SLC29A1: variants seen among roughly 807,000 people sequenced by gnomAD.
SLC29A1 encodes equilibrative nucleoside transporter 1.
A neutral mutation model predicts 48.3 loss-of-function variants in SLC29A1; 22 were observed. The ratio of observed to expected loss-of-function variants is 0.46; its 90% CI spans 0.33 to 0.65. The LOEUF is 0.65. SLC29A1 is among the 30% of genes least tolerant of loss of function. SLC29A1 has a pLI of 0.03. For synonymous variants in SLC29A1, 228 were observed against 231.0 expected (o/e 0.99, Z 0.12); for missense variants, 491 against 575.3 (o/e 0.85, Z 1.50).
rs1019146816 is a variant in SLC29A1 at position 44,231,507 on chromosome 6, T to C, written c.864+46T>C. 3.2e-6 allele frequency: 4 copies of C among 1,264,044 alleles called. No individual in the cohort carries two copies. The East Asian group carries it at 9.8e-5, about 31-fold the overall frequency. 78.3% of individuals were successfully genotyped at this position (1,264,044 alleles called of 1,614,324 possible). On this transcript the variant is annotated intron_variant, in intron 9 of 12. Transcript: ENST00000371755. ...TATCTTCTACCCCTTGTCCTCTTTCTCTCCTCCTTTTGCTCCCTCCCCCTG... is the reference window on the plus strand; with the variant it reads ...TATCTTCTACCCCTTGTCCTCTTTCCCTCCTCCTTTTGCTCCCTCCCCCTG...
Position 44,230,390 on chromosome 6 carries a change from CCTT to C in SLC29A1, c.501_503del (p.Leu168del). On this transcript the variant is annotated inframe_deletion, in exon 6 of 13. Coordinates refer to ENST00000371755, the MANE Select transcript of SLC29A1 (RefSeq NM_001372327.1). The stretch of plus-strand genomic sequence containing the variant: ...AGGGCAGCCTGTTTGGTCTGGCTGG[CCTT>C]CTGCCTGCCAGCTACACGGCCCCCA... The C allele has an allele frequency of 6.2e-7, 1 of 1,614,068 alleles. No homozygotes were observed. Among genetic ancestry groups the C allele is most frequent in the Non-Finnish European group, 8.5e-7 (1 of 1,179,938 alleles).
At position 44,228,469 on chromosome 6, in the gene SLC29A1, C is replaced by T. The variant is rs538104768; in HGVS notation, c.30-921C>T. Among the ~76,000 whole-genome samples the T allele has an allele frequency of 4.1e-4, 63 of 152,352 alleles. No homozygotes were observed. In the South Asian group the frequency reaches 6.4e-3, roughly 16 times the overall value. On this transcript the variant is annotated intron_variant, in intron 2 of 12. Coordinates refer to ENST00000371755, the MANE Select transcript of SLC29A1 (RefSeq NM_001372327.1). ...ACCTGCTCACGTGGTGTGCTCACCA[C>T]GCCATCCCTGTATGAGGCCTGCCAG...
At chr6:44,221,072 T>G (rs1202221813), upstream of SLC29A1, among the ~76,000 whole-genome samples, 1 of 151,950 alleles carries the variant, frequency 6.6e-6, no homozygotes, top group Admixed American at 6.6e-5. The surrounding 1 kb of genome is among the most constrained non-coding windows in gnomAD (Gnocchi z 4.2). Flanking sequence ...TTTGTAGAGA[T>G]GGGGTCTCAC....
In SLC29A1 at chr6:44,233,642, C is replaced by A; in HGVS notation, c.*114C>A. 2.5e-6 allele frequency: 2 copies of A among 805,428 alleles called. No individual in the cohort carries two copies. Among genetic ancestry groups the A allele is most frequent in the South Asian group, 1.5e-5 (1 of 64,874 alleles). The allele number at this position is 805,428 out of a possible 1,614,324, so 49.9% of individuals were successfully genotyped here. ...GGTTTTTTCTTCTAACTGACTTCTG[C>A]TTTCCACGGCGTGTGCTGGGCCCGG... is the stretch of plus-strand genomic sequence containing the variant. On this transcript the variant is annotated 3_prime_UTR_variant, in exon 13 of 13. Transcript: ENST00000371755.
At position 44,230,353 on chromosome 6, in the gene SLC29A1, G is replaced by A. The variant is rs566275501; in HGVS notation, c.461G>A (p.Gly154Asp). ...GCCCGCCCTGTTTCCCCAGCATTTG[G>A]TGCCATCCTGCAGGGCAGCCTGTTT... Reference protein sequence around the residue: ...MIKIVLINSFGAILQGSLFGL... With the variant: ...MIKIVLINSFDAILQGSLFGL... The change falls in exon 6 of 13, where the codon GGT becomes GAT. Residue 154 changes from glycine (G) to aspartate (D), a missense_variant. Gly to Asp is a moderately conservative substitution (Grantham distance 94). Transcript: ENST00000371755. The A allele has an allele frequency of 8.1e-6, 13 of 1,611,344 alleles. No homozygotes were observed. The highest frequency in any genetic ancestry group is 2.2e-5 in the East Asian group (1 of 44,796).
chr6:44,223,950 G>C lies in SLC29A1; in HGVS notation c.-52+309G>C, dbSNP rs1418598573. 3.7e-5 allele frequency: 37 copies of C among 988,806 alleles called. No individual in the cohort carries two copies. Among genetic ancestry groups the C allele is most frequent in the Non-Finnish European group, 4.4e-5 (37 of 832,332 alleles). 61.3% of individuals were successfully genotyped at this position (988,806 alleles called of 1,614,324 possible). A position where few individuals can be genotyped will look rare whatever the true frequency, so the allele number is the denominator to read the frequency against. The stretch of plus-strand genomic sequence containing the variant: ...GGCGAGTGGACGGGTGATCCCCATC[G>C]ATCTGGTCGGTATCAGGGAGGGGCC... On this transcript the variant is annotated intron_variant, in intron 1 of 12. Coordinates refer to ENST00000371755, the MANE Select transcript of SLC29A1 (RefSeq NM_001372327.1). This position sits in a 1 kb window ranked among gnomAD's most constrained non-coding sequence, Gnocchi z 5.0.
chr6:44,229,414 C>G lies in SLC29A1; in HGVS notation c.54C>G (p.Phe18Leu). 3 of 1,614,130 alleles carry G rather than the reference C, an allele frequency of 1.9e-6. No homozygotes were observed. Among genetic ancestry groups the G allele is most frequent in the Admixed American group, 1.7e-5 (1 of 60,014 alleles). Residue 18 changes from phenylalanine to leucine, a missense_variant, in exon 3 of 13, where the codon TTC (phenylalanine) becomes TTG (leucine). Transcript: ENST00000371755. The surrounding 1 kb of genome is among the most constrained non-coding windows in gnomAD (Gnocchi z 5.1). ...QDRYKAVWLI[F>L]FMLGLGTLLP... ...GATACAAAGCTGTCTGGCTTATCTT[C>G]TTCATGCTGGGTCTGGGAACGCTGC...
Position 44,232,389 on chromosome 6 carries a change from T to C in SLC29A1, c.1020T>C (p.Phe340=). 6.2e-7 allele frequency: 1 copy of C among 1,613,944 alleles called. No individual in the cohort carries two copies. Among genetic ancestry groups the C allele is most frequent in the Non-Finnish European group, 8.5e-7 (1 of 1,179,796 alleles). ...PVSCFLTFNI[F]DWLGRSLTAV... ...CCTGTTTCTTGACTTTCAATATCTT[T>C]GACTGGTTGGGCCGGAGCCTCACAG... The change falls in exon 11 of 13, where the codon TTT becomes TTC. Residue 340 remains phenylalanine, a synonymous_variant. Coordinates refer to ENST00000371755, the MANE Select transcript of SLC29A1 (RefSeq NM_001372327.1). This position sits in a 1 kb window ranked among gnomAD's most constrained non-coding sequence, Gnocchi z 4.7.
chr6:44,230,304 ACC>A (rs756180096), intron 5 of SLC29A1, 41 bp from the exon 6 acceptor site: 2 of 1,590,978 alleles, frequency 1.3e-6, no homozygotes, highest in South Asian at 2.2e-5. Context: ...ACCCCCAACC[ACC>A]AGCCCTAGCT....
Position 44,233,558 on chromosome 6 carries a change from C to T in SLC29A1, c.*30C>T. 6.5e-7 allele frequency: 1 copy of T among 1,548,638 alleles called. No homozygotes were observed. Among genetic ancestry groups the T allele is most frequent in the South Asian group, 1.1e-5 (1 of 89,786 alleles). On this transcript the variant is annotated 3_prime_UTR_variant, in exon 13 of 13. Transcript: ENST00000371755. Reference sequence around the variant, plus strand: ...GGATGGACAGAAGGACTGCCTGCCTCCCTCCCTGTCTGCCTCCTGCCCCTT... The same window carrying T: ...GGATGGACAGAAGGACTGCCTGCCTTCCTCCCTGTCTGCCTCCTGCCCCTT...
chr6:44,220,756 T>G (rs1196435217), upstream of SLC29A1, among the ~76,000 whole-genome samples: 4 of 149,622 alleles, frequency 2.7e-5, no homozygotes, highest in Non-Finnish European at 4.4e-5. Context: ...ACCCAGGAGG[T>G]GGAGGTTGCA....
intron 1 of SLC29A1, chr6:44,226,035 C>A: frequency 4.4e-6 from 4 of 898,990 alleles, no homozygotes; most frequent in Middle Eastern, 5.6e-4. Flanking sequence ...CCTGTGCCAC[C>A]TTTTTCATTC....
In SLC29A1 at chr6:44,223,984, G is replaced by C. The variant is rs2128338818; in HGVS notation, c.-52+343G>C. On this transcript the variant is annotated intron_variant, in intron 1 of 12. Coordinates refer to ENST00000371755, the MANE Select transcript of SLC29A1 (RefSeq NM_001372327.1). This position sits in a 1 kb window ranked among gnomAD's most constrained non-coding sequence, Gnocchi z 5.0. ...GGTATCAGGGAGGGGCCGTGCCGCT[G>C]ACTGCGCTGGCGGAGGGGTATGGGG... is the stretch of plus-strand genomic sequence containing the variant. The C allele has an allele frequency of 1.0e-6, 1 of 979,386 alleles. No homozygotes were observed. The highest frequency in any genetic ancestry group is 1.1e-4 in the East Asian group (1 of 8,742). 60.7% of individuals were successfully genotyped at this position (979,386 alleles called of 1,614,324 possible). A position where few individuals can be genotyped will look rare whatever the true frequency, so the allele number is the denominator to read the frequency against.
chr6:44,221,160 A>G (rs901429989), upstream of SLC29A1, among the ~76,000 whole-genome samples: 2 of 152,214 alleles, frequency 1.3e-5, no homozygotes, highest in African/African-American at 2.4e-5. The surrounding 1 kb of genome is among the most constrained non-coding windows in gnomAD (Gnocchi z 4.2). Flanking sequence ...CTGAGATTTC[A>G]GGCATGAGCC....
In SLC29A1 at chr6:44,232,886, T is replaced by A; in HGVS notation, c.1139T>A (p.Ile380Asn). ...GTGCCACTGCTGCTGCTGTGCAACA[T>A]TAAGCCCCGCCGCTACCTGACTGTG... Reference protein sequence around the residue: ...VFVPLLLLCNIKPRRYLTVVF... With the variant: ...VFVPLLLLCNNKPRRYLTVVF... Residue 380 changes from isoleucine (I) to asparagine (N), a missense_variant, in exon 12 of 13, where the codon ATT (isoleucine) becomes AAT (asparagine). Physicochemically the swap from Ile to Asn is moderately radical, Grantham distance 149. Transcript: ENST00000371755. This position sits in a 1 kb window ranked among gnomAD's most constrained non-coding sequence, Gnocchi z 4.7. 1 of 1,614,136 alleles carries A rather than the reference T, an allele frequency of 6.2e-7. No homozygotes were observed.
At chr6:44,224,098 G>A (rs1025545944) in intron 1 of SLC29A1, 15 of 324,656 alleles carry the variant, frequency 4.6e-5, no homozygotes, top group Non-Finnish European at 6.6e-5. Context: ...TCTTTTACTG[G>A]CTAAACTCGT....
chr6:44,230,446 T>G lies in SLC29A1; in HGVS notation c.554T>G (p.Phe185Cys), dbSNP rs1259080468. The G allele has an allele frequency of 1.2e-6, 2 of 1,613,858 alleles. No individual in the cohort carries two copies. The highest frequency in any genetic ancestry group is 1.3e-5 in the African/African-American group (1 of 74,924). Residue 185 changes from phenylalanine to cysteine, a missense_variant, in exon 6 of 13, where the codon TTC (phenylalanine) becomes TGC (cysteine). Transcript: ENST00000371755. The stretch of plus-strand genomic sequence containing the variant: ...ATGAGTGGCCAGGGCCTAGCAGGCT[T>G]CTTTGCCTCCGTGGCCATGATCTGC... ...PIMSGQGLAG[F>C]FASVAMICAI...
chr6:44,224,004 A>T, intron 1 of SLC29A1: 94 of 826,258 alleles, frequency 1.1e-4, no homozygotes, highest in Non-Finnish European at 1.3e-4. Flanking sequence ...GCGGAGGGGT[A>T]TGGGGATGGG....
intron 2 of SLC29A1, among the ~76,000 whole-genome samples, chr6:44,228,689 G>A (rs572903379): frequency 2.0e-5 from 3 of 152,380 alleles, no homozygotes; most frequent in African/African-American, 7.2e-5. Context: ...ACCCGGAAGG[G>A]CCTTGAGGTA....
Sources: allele counts gnomAD v4.1 joint callset (sites outside exome capture counted in the v4.1 genomes callset), GRCh38; gene constraint gnomAD v4.1.1; non-coding constraint Gnocchi (gnomAD v3.1); transcripts MANE v1.5; gene names NCBI Gene and HGNC (gene_info 2026-07-23, HGNC 2026-07-21).